Variants in MEIS2 observed in about 807,000 individuals in gnomAD.
The protein encoded by MEIS2 is homeobox protein Meis2.
In MEIS2, 9 loss-of-function variants were observed where a neutral mutation model predicts 58.6. That is an observed-to-expected ratio of 0.15 (90% CI 0.09 to 0.27). The LOEUF (loss-of-function observed/expected upper bound fraction) is 0.27, where lower values mean the gene tolerates loss of function less well. MEIS2 is among the 10% of genes least tolerant of loss of function. MEIS2 has a pLI of 1.00. For synonymous variants in MEIS2, 221 were observed against 228.4 expected (o/e 0.97, Z 0.29); for missense variants, 427 against 635.0 (o/e 0.67, Z 3.52).
chr15:37,037,110 T>C (rs893208639), intron 7 of MEIS2, 151 bp from the exon 8 acceptor site: 7 of 762,674 alleles, frequency 9.2e-6, no homozygotes, highest in Non-Finnish European at 1.4e-5. Flanking sequence ...GACACAAATA[T>C]GTAAAAGACA....
At chr15:37,052,630 T>A (rs1174541761) in intron 7 of MEIS2, among the ~76,000 whole-genome samples, 1 of 152,230 alleles carries the variant, frequency 6.6e-6, no homozygotes, top group Non-Finnish European at 1.5e-5. Flanking sequence ...CATCTGACTT[T>A]TGAGATGTGT....
At position 36,969,150 on chromosome 15, in the gene MEIS2, T is replaced by C. The variant is rs576987234; in HGVS notation, c.901-18750A>G. On this transcript the variant is annotated intron_variant, in intron 8 of 11. Coordinates refer to ENST00000561208, the MANE Select transcript of MEIS2 (RefSeq NM_170675.5). Reference sequence around the variant, plus strand: ...ATGGGACATTGTTGTATTTCTTCTCTTAGTTTGCACTCTTAACTGCATTTA... The same window carrying C: ...ATGGGACATTGTTGTATTTCTTCTCCTAGTTTGCACTCTTAACTGCATTTA... 1.5e-4 allele frequency among the ~76,000 whole-genome samples: 23 copies of C among 152,358 alleles called. No individual in the cohort carries two copies. The East Asian group carries it at 4.4e-3, about 29-fold the overall frequency.
chr15:36,929,790 T>C (rs1001154849), intron 9 of MEIS2, among the ~76,000 whole-genome samples: 2 of 152,198 alleles, frequency 1.3e-5, no homozygotes, highest in Non-Finnish European at 2.9e-5. Context: ...CCAATTATAC[T>C]TGATGTGGGC....
At chr15:37,076,533 C>CA (rs1891442456) in intron 7 of MEIS2, among the ~76,000 whole-genome samples, 2 of 152,034 alleles carry the variant, frequency 1.3e-5, no homozygotes. Context: ...AGGGGACCCT[C>CA]ACTTCCCCTC....
intron 8 of MEIS2, chr15:37,036,390 C>CTTTTTTTTTTTTTTTTTTTTTTT (rs80180193): frequency 8.5e-6 from 1 of 118,178 alleles, no homozygotes. Context: ...TGGCAAGGTG[C>CTTTTTTTTTTTTTTTTTTTTTTT]TTTTTTTTTT....
chr15:36,931,751 T>A (rs2057986425), intron 9 of MEIS2, among the ~76,000 whole-genome samples: 1 of 152,220 alleles, frequency 6.6e-6, no homozygotes, highest in Admixed American at 6.5e-5. Context: ...CCAAGAATCA[T>A]GCTAAGTATA....
At chr15:36,983,903 T>A (rs2060011223) in intron 8 of MEIS2, among the ~76,000 whole-genome samples, 1 of 152,056 alleles carries the variant, frequency 6.6e-6, no homozygotes, top group African/African-American at 2.4e-5. Flanking sequence ...TTGTTTTAGA[T>A]GCTATGGGAT....
At chr15:37,044,367 T>C (rs2062572644) in intron 7 of MEIS2, among the ~76,000 whole-genome samples, 2 of 152,184 alleles carry the variant, frequency 1.3e-5, no homozygotes, top group Non-Finnish European at 2.9e-5. Context: ...AAATTAAATA[T>C]GAACCGAGAA....
chr15:36,907,204 T>C (rs939499831), intron 9 of MEIS2, among the ~76,000 whole-genome samples: 2 of 152,236 alleles, frequency 1.3e-5, no homozygotes, highest in Admixed American at 1.3e-4. Context: ...AGAGAATTGA[T>C]AGGACAAAGT....
intron 8 of MEIS2, among the ~76,000 whole-genome samples, chr15:37,019,128 A>G (rs1480402064): frequency 1.3e-5 from 2 of 152,098 alleles, no homozygotes; most frequent in African/African-American, 2.4e-5. Flanking sequence ...TACATATTCT[A>G]TTTTTTTCAG....
intron 9 of MEIS2, among the ~76,000 whole-genome samples, chr15:36,939,572 TTTAC>T (rs2058304122): frequency 6.6e-6 from 1 of 152,114 alleles, no homozygotes; most frequent in Non-Finnish European, 1.5e-5. Context: ...TTGTTAATGA[TTTAC>T]TGGTGTTATT....
intron 8 of MEIS2, among the ~76,000 whole-genome samples, chr15:36,969,649 A>C (rs1166404308): frequency 6.6e-6 from 1 of 152,244 alleles, no homozygotes; most frequent in Non-Finnish European, 1.5e-5. Flanking sequence ...TTCTAATTTC[A>C]AATACTAATG....
At chr15:37,033,853 A>G (rs568716379) in intron 8 of MEIS2, among the ~76,000 whole-genome samples, 2 of 152,286 alleles carry the variant, frequency 1.3e-5, no homozygotes, top group Admixed American at 1.3e-4. Context: ...TAAAGATTGG[A>G]AAGTAAAAGT....
intron 3 of MEIS2, chr15:37,095,973 C>G (rs1029234405): frequency 1.3e-5 from 6 of 449,276 alleles, no homozygotes; most frequent in African/African-American, 9.7e-5. Context: ...CCGGGTCCCT[C>G]ACAGCCCCTC....
At chr15:37,056,526 G>A (rs892610855) in intron 7 of MEIS2, among the ~76,000 whole-genome samples, 3 of 152,172 alleles carry the variant, frequency 2.0e-5, no homozygotes, top group African/African-American at 7.2e-5. Context: ...CCACCAGGAC[G>A]GCAGCTTCGC....
chr15:36,925,213 CA>C (rs1453248528), intron 9 of MEIS2, among the ~76,000 whole-genome samples: 1 of 152,190 alleles, frequency 6.6e-6, no homozygotes, highest in Non-Finnish European at 1.5e-5. Flanking sequence ...AAAGTCCTAT[CA>C]AATGATGAGC....
At chr15:36,993,027 T>C (rs952593368) in intron 8 of MEIS2, among the ~76,000 whole-genome samples, 13 of 152,136 alleles carry the variant, frequency 8.5e-5, no homozygotes, top group African/African-American at 2.7e-4. Flanking sequence ...CACCACTAAT[T>C]CTTTTAAATT....
At chr15:36,907,443 T>A (rs998014715) in intron 9 of MEIS2, among the ~76,000 whole-genome samples, 2 of 152,224 alleles carry the variant, frequency 1.3e-5, no homozygotes, top group Non-Finnish European at 2.9e-5. Flanking sequence ...TGCATGTGAA[T>A]GTCCCCGTGG....
chr15:37,001,480 C>G (rs1280504402), intron 8 of MEIS2, among the ~76,000 whole-genome samples: 2 of 152,162 alleles, frequency 1.3e-5, no homozygotes, highest in Admixed American at 1.3e-4. Flanking sequence ...TACTGGCATT[C>G]TAATATAGTC....
Sources: gnomAD v4.1 joint callset for allele counts (sites outside exome capture counted in the v4.1 genomes callset) on GRCh38, gnomAD v4.1.1 for gene constraint, MANE v1.5 for transcripts, NCBI Gene and HGNC (gene_info 2026-07-23, HGNC 2026-07-21) for gene names.